MAPK10: variants seen among roughly 807,000 people sequenced by gnomAD.
The protein encoded by MAPK10 is JNK3 alpha protein kinase.
MAPK10 carries 25 observed loss-of-function variants against 59.3 expected under a neutral mutation model. The observed-to-expected ratio is 0.42, with a 90% CI of 0.31 to 0.59. The LOEUF (loss-of-function observed/expected upper bound fraction) is 0.59. Ranked by LOEUF, MAPK10 falls within the 20% of genes least tolerant of loss-of-function variation. The probability of loss-of-function intolerance (pLI) is 0.15; values close to 1 mark genes in which losing one functional copy is unlikely to be tolerated. For synonymous variants in MAPK10, 190 were observed against 200.5 expected, an observed-to-expected ratio of 0.95 and a Z score of 0.44; for missense variants, 351 against 568.9, an observed-to-expected ratio of 0.62 and a Z score of 3.90.
chr4:86,086,268 G>A (rs901994217), intron 9 of MAPK10, among the ~76,000 whole-genome samples: 1 of 152,030 alleles, frequency 6.6e-6, no homozygotes, highest in Non-Finnish European at 1.5e-5. Context: ...TAGCAGAGGA[G>A]GTGGTGGGTG....
In MAPK10 at chr4:86,585,096, C is replaced by T. The variant is rs139814618; in HGVS notation, c.-263+8814G>A. On this transcript the variant is annotated intron_variant, in intron 1 of 4. Coordinates refer to the MAPK10 transcript ENST00000502302. ...AAGCAAGAGAATGCTTATTGAAAGC[C>T]GAGTAACTGGAGTATATTCTTTGAT... Among the ~76,000 whole-genome samples the T allele has an allele frequency of 2.8e-3, 430 of 152,122 alleles. 3 individuals carry two copies. The highest frequency in any genetic ancestry group is 9.9e-3 in the African/African-American group (410 of 41,502).
chr4:86,480,852 AC>A (rs1753553339), intron 1 of MAPK10, among the ~76,000 whole-genome samples: 1 of 152,202 alleles, frequency 6.6e-6, no homozygotes, highest in Non-Finnish European at 1.5e-5. Context: ...AGATCGAAAG[AC>A]CCAGGGAAAA....
chr4:86,296,393 C>A (rs2148832991), intron 2 of MAPK10, among the ~76,000 whole-genome samples: 1 of 152,138 alleles, frequency 6.6e-6, no homozygotes, highest in Non-Finnish European at 1.5e-5. Flanking sequence ...ATGAAAGGAA[C>A]CAATCCTGGG....
At position 86,576,061 on chromosome 4, in the gene MAPK10, A is replaced by G. The variant is rs528061167; in HGVS notation, c.-263+17849T>C. On this transcript the variant is annotated intron_variant, in intron 1 of 4. Coordinates refer to the MAPK10 transcript ENST00000502302. ...CAGGCTGGAGTGCAGTGATGCTCAT[A>G]GCTCACTGCTACCTCAAACTCCTGG... 5.3e-5 allele frequency among the ~76,000 whole-genome samples: 8 copies of G among 151,514 alleles called. No individual in the cohort carries two copies. In the South Asian group the frequency reaches 1.5e-3, roughly 28 times the overall value.
At chr4:86,274,366 C>G (rs1305445140) in intron 2 of MAPK10, among the ~76,000 whole-genome samples, 1 of 151,918 alleles carries the variant, frequency 6.6e-6, no homozygotes, top group Non-Finnish European at 1.5e-5. Flanking sequence ...AAATAAAATT[C>G]AGCAACCAGA....
At chr4:86,067,717 G>C (rs915125003) in intron 10 of MAPK10, 56 bp downstream of exon 10, 20 of 1,435,728 alleles carry the variant, frequency 1.4e-5, no homozygotes, top group Non-Finnish European at 1.6e-5. Flanking sequence ...TATACTGTGT[G>C]CTTGTTTGGC....
chr4:86,027,539 G>A (rs1197363636), intron 13 of MAPK10: 2 of 152,162 alleles, frequency 1.3e-5, no homozygotes, highest in Non-Finnish European at 2.9e-5. Flanking sequence ...GATTAATAGA[G>A]TGAATAAATA....
intron 1 of MAPK10, among the ~76,000 whole-genome samples, chr4:86,478,418 C>T (rs1289578672): frequency 6.6e-6 from 1 of 152,186 alleles, no homozygotes; most frequent in African/African-American, 2.4e-5. Context: ...TACTGTTTTG[C>T]CTAGCCCTCA....
chr4:86,065,418 G>T (rs1156847989), intron 10 of MAPK10: 1 of 152,038 alleles, frequency 6.6e-6, no homozygotes, highest in African/African-American at 2.4e-5. Context: ...TTATGTAAAG[G>T]TTATCATAAT....
At position 86,409,126 on chromosome 4, in the gene MAPK10, C is replaced by G. The variant is rs375573497; in HGVS notation, c.-122+43904G>C. 9.2e-5 allele frequency among the ~76,000 whole-genome samples: 14 copies of G among 152,276 alleles called. No individual in the cohort carries two copies. In the East Asian group the frequency reaches 1.9e-3, roughly 21 times the overall value. On this transcript the variant is annotated intron_variant, in intron 1 of 13. Transcript: ENST00000361569. ...GTTTCAGCTTTCTACATGTGGCTAG[C>G]CAGTTTTCTCAACACCATTTATTAA...
intron 1 of MAPK10, among the ~76,000 whole-genome samples, chr4:86,542,715 C>T (rs572487001): frequency 1.2e-4 from 18 of 152,266 alleles, no homozygotes; most frequent in African/African-American, 4.3e-4. Flanking sequence ...TATGAGAAGA[C>T]AAAATTTCCC....
chr4:86,553,891 A>T (rs1363435087), intron 1 of MAPK10, among the ~76,000 whole-genome samples: 4 of 146,574 alleles, frequency 2.7e-5, no homozygotes, highest in South Asian at 2.2e-4. Flanking sequence ...CCACTTCTTA[A>T]TTTTTTTTTT....
intron 2 of MAPK10, among the ~76,000 whole-genome samples, chr4:86,255,517 T>G (rs1229358535): frequency 6.6e-6 from 1 of 152,208 alleles, no homozygotes; most frequent in East Asian, 1.9e-4. Context: ...CTGTTCAGTC[T>G]GCCCGTAAGC....
At chr4:86,042,521 TA>T (rs1181689342) in intron 11 of MAPK10, among the ~76,000 whole-genome samples, 1 of 152,120 alleles carries the variant, frequency 6.6e-6, no homozygotes, top group Non-Finnish European at 1.5e-5. Context: ...ATACACAATA[TA>T]AAAATATGTT....
At chr4:86,123,602 G>A (rs370551754) in intron 4 of MAPK10, 10 of 152,006 alleles carry the variant, frequency 6.6e-5, no homozygotes, top group East Asian at 3.9e-4. Flanking sequence ...GGGCACTACC[G>A]AAAAGCATGG....
At chr4:86,481,553 T>C (rs191821517) in intron 1 of MAPK10, among the ~76,000 whole-genome samples, 1 of 152,278 alleles carries the variant, frequency 6.6e-6, no homozygotes, top group East Asian at 1.9e-4. Context: ...ATATTTGGTA[T>C]TGTTCTCATC....
intron 1 of MAPK10, among the ~76,000 whole-genome samples, chr4:86,366,803 G>A (rs1293391092): frequency 6.6e-6 from 1 of 152,148 alleles, no homozygotes; most frequent in Non-Finnish European, 1.5e-5. Context: ...GAATTAAGGG[G>A]GTAGCAGTGA....
chr4:86,341,202 A>C (rs1309841811), intron 2 of MAPK10, among the ~76,000 whole-genome samples: 1 of 152,210 alleles, frequency 6.6e-6, no homozygotes. Context: ...AGGATCACAC[A>C]CTAGCCCAAT....
chr4:86,413,718 C>T (rs969825260), intron 1 of MAPK10, among the ~76,000 whole-genome samples: 7 of 152,324 alleles, frequency 4.6e-5, no homozygotes, highest in Admixed American at 1.3e-4. Context: ...TGGGACCCGC[C>T]GAGCCAGGCA....
Sources: allele counts gnomAD v4.1 joint callset (sites outside exome capture counted in the v4.1 genomes callset), GRCh38; gene constraint gnomAD v4.1.1; transcripts MANE v1.5; gene names NCBI Gene and HGNC (gene_info 2026-07-23, HGNC 2026-07-21).